TSPAN18: variants seen among roughly 807,000 people sequenced by gnomAD.
TSPAN18 encodes tetraspanin-18.
In TSPAN18, 14 loss-of-function variants were observed where a neutral mutation model predicts 27.3. The ratio of observed to expected loss-of-function variants is 0.51; its 90% CI spans 0.34 to 0.80. The LOEUF (loss-of-function observed/expected upper bound fraction) is 0.80. Ranked by LOEUF, TSPAN18 falls within the 30% of genes least tolerant of loss-of-function variation. TSPAN18 has a pLI of 0.01. For missense variants in TSPAN18, 268 were observed against 323.9 expected (o/e 0.83, Z 1.32); for synonymous variants, 143 against 136.5 (o/e 1.05, Z -0.33).
At chr11:44,740,637 G>C (rs2134821454) in intron 1 of TSPAN18, among the ~76,000 whole-genome samples, 1 of 152,284 alleles carries the variant, frequency 6.6e-6, no homozygotes, top group Non-Finnish European at 1.5e-5. Context: ...AGAATTGGGG[G>C]AGCTGCCCCC....
intron 5 of TSPAN18, among the ~76,000 whole-genome samples, chr11:44,914,654 A>G (rs1859838979): frequency 6.6e-6 from 1 of 152,174 alleles, no homozygotes; most frequent in Non-Finnish European, 1.5e-5. Context: ...TCTTGGGGTG[A>G]AGTCCCAGAG....
chr11:44,736,623 C>T (rs1390397218), intron 1 of TSPAN18: 3 of 152,194 alleles, frequency 2.0e-5, no homozygotes, highest in Non-Finnish European at 4.4e-5. Context: ...CAGAGCCCTT[C>T]CCTCCGGGCC....
At chr11:44,788,208 T>C (rs1856104691) in intron 2 of TSPAN18, among the ~76,000 whole-genome samples, 1 of 152,158 alleles carries the variant, frequency 6.6e-6, no homozygotes, top group African/African-American at 2.4e-5. Flanking sequence ...AGTCCCCAGA[T>C]GGGCGGGATT....
chr11:44,792,938 A>G (rs1168332864), intron 2 of TSPAN18, among the ~76,000 whole-genome samples: 2 of 152,140 alleles, frequency 1.3e-5, no homozygotes, highest in Admixed American at 6.5e-5. Context: ...CAGCTCCTGC[A>G]AGGCGTCTCG....
chr11:44,929,210 C>T lies in TSPAN18; in HGVS notation c.*32C>T, dbSNP rs1442838073. The T allele has an allele frequency of 1.2e-6, 2 of 1,613,230 alleles. No individual in the cohort carries two copies. Among genetic ancestry groups the T allele is most frequent in the South Asian group, 2.2e-5 (2 of 91,078 alleles). ...TGGCCTGAAGCCTGAAGACTCGCCC[C>T]ACCCACCACTGCCCAGCACCCAGTG... On this transcript the variant is annotated 3_prime_UTR_variant, in exon 10 of 10. Transcript: ENST00000520358.
At chr11:44,910,683 T>G (rs991299930) in intron 5 of TSPAN18, among the ~76,000 whole-genome samples, 2 of 152,198 alleles carry the variant, frequency 1.3e-5, no homozygotes, top group Non-Finnish European at 2.9e-5. Flanking sequence ...CTCTGAAGGT[T>G]TCTTATTCAT....
intron 1 of TSPAN18, chr11:44,736,788 A>G (rs545310061): frequency 1.3e-5 from 2 of 152,176 alleles, no homozygotes; most frequent in South Asian, 4.1e-4. Context: ...GCTTCACACT[A>G]TGACCTTTGT....
chr11:44,855,579 C>G (rs986759875), intron 2 of TSPAN18, among the ~76,000 whole-genome samples: 1 of 152,114 alleles, frequency 6.6e-6, no homozygotes, highest in African/African-American at 2.4e-5. Flanking sequence ...AATGACTTGC[C>G]TGAGGCCACA....
At chr11:44,852,310 G>A (rs1045732413) in intron 2 of TSPAN18, among the ~76,000 whole-genome samples, 2 of 152,206 alleles carry the variant, frequency 1.3e-5, no homozygotes, top group Non-Finnish European at 2.9e-5. Context: ...AATGTTACAC[G>A]TAGTAACAAC....
At chr11:44,849,412 A>C (rs1387562201) in intron 2 of TSPAN18, among the ~76,000 whole-genome samples, 1 of 152,196 alleles carries the variant, frequency 6.6e-6, no homozygotes, top group African/African-American at 2.4e-5. Flanking sequence ...GTGAGGTTTA[A>C]GAGCAGGCTA....
At chr11:44,924,868 T>C (rs1010274505) in intron 8 of TSPAN18, among the ~76,000 whole-genome samples, 7 of 152,226 alleles carry the variant, frequency 4.6e-5, no homozygotes, top group Non-Finnish European at 7.3e-5. Context: ...GTTGTGCACA[T>C]GTACCCTAGA....
At chr11:44,783,412 T>C (rs995103241) in intron 2 of TSPAN18, among the ~76,000 whole-genome samples, 1 of 151,864 alleles carries the variant, frequency 6.6e-6, no homozygotes, top group Non-Finnish European at 1.5e-5. Context: ...TTTTTTTTTT[T>C]TAGTGAGACG....
intron 2 of TSPAN18, among the ~76,000 whole-genome samples, chr11:44,793,666 C>T (rs944700450): frequency 6.6e-6 from 1 of 152,202 alleles, no homozygotes; most frequent in African/African-American, 2.4e-5. Context: ...TGCTTGTTCT[C>T]TAAGCCCTCC....
intron 3 of TSPAN18, among the ~76,000 whole-genome samples, chr11:44,863,408 C>G (rs1009753892): frequency 6.6e-6 from 1 of 152,252 alleles, no homozygotes; most frequent in African/African-American, 2.4e-5. Context: ...TCAACTACAG[C>G]TTGGGTACGG....
intron 2 of TSPAN18, among the ~76,000 whole-genome samples, chr11:44,790,981 T>C (rs1391653058): frequency 6.6e-6 from 1 of 152,200 alleles, no homozygotes; most frequent in Admixed American, 6.5e-5. Context: ...GGGTCCCCTC[T>C]TCTCCTGGGG....
In TSPAN18 at chr11:44,776,431, G is replaced by T. The variant is rs896553228; in HGVS notation, c.-153+11919G>T. ...CTTGGTTTCTTTATCTGTGAATTGGGCACGATAACCTTTCCCTACAGAGCT... is the reference window on the plus strand; with the variant it reads ...CTTGGTTTCTTTATCTGTGAATTGGTCACGATAACCTTTCCCTACAGAGCT... On this transcript the variant is annotated intron_variant, in intron 2 of 9. Coordinates refer to ENST00000520358, the MANE Select transcript of TSPAN18 (RefSeq NM_130783.5). 3.3e-5 allele frequency among the ~76,000 whole-genome samples: 5 copies of T among 152,228 alleles called. No homozygotes were observed. In the South Asian group the frequency reaches 1.0e-3, roughly 32 times the overall value.
chr11:44,789,370 A>G (rs1397922175), intron 2 of TSPAN18, among the ~76,000 whole-genome samples: 1 of 152,210 alleles, frequency 6.6e-6, no homozygotes, highest in African/African-American at 2.4e-5. Flanking sequence ...AAATGGCTCT[A>G]TTGGCTTTTC....
chr11:44,868,181 C>T (rs529471334), intron 3 of TSPAN18, among the ~76,000 whole-genome samples: 8 of 152,268 alleles, frequency 5.3e-5, no homozygotes, highest in African/African-American at 1.2e-4. Context: ...CCTCAGGGGA[C>T]GCAGTTGGAG....
At chr11:44,799,083 C>T (rs926172493) in intron 2 of TSPAN18, among the ~76,000 whole-genome samples, 19 of 150,300 alleles carry the variant, frequency 1.3e-4, no homozygotes, top group Non-Finnish European at 2.7e-4. Flanking sequence ...TTTTTTGTTC[C>T]TCTGGGAGCT....
Sources: gnomAD v4.1 joint callset for allele counts (sites outside exome capture counted in the v4.1 genomes callset) on GRCh38, gnomAD v4.1.1 for gene constraint, MANE v1.5 for transcripts, NCBI Gene and HGNC (gene_info 2026-07-23, HGNC 2026-07-21) for gene names.